The following KIAA0930 variants were observed in gnomAD, a reference collection of about 807,000 sequenced individuals.
KIAA0930 encodes the protein KIAA0930.
A neutral mutation model predicts 43.9 loss-of-function variants in KIAA0930; 24 were observed. The ratio of observed to expected loss-of-function variants is 0.55; its 90% CI spans 0.40 to 0.77. The LOEUF (loss-of-function observed/expected upper bound fraction) is 0.77, where lower values mean the gene tolerates loss of function less well. Among genes scored for constraint, KIAA0930 ranks in the 30% least tolerant of loss-of-function variants. The pLI is 0.00. For synonymous variants in KIAA0930, 259 were observed against 216.4 expected (o/e 1.20, Z -1.73); for missense variants, 461 against 574.2 (o/e 0.80, Z 2.02).
intron 1 of KIAA0930, among the ~76,000 whole-genome samples, chr22:45,221,542 T>A (rs1006495986): frequency 2.6e-5 from 4 of 152,218 alleles, no homozygotes; most frequent in Non-Finnish European, 5.9e-5. Flanking sequence ...TGCTCTATGA[T>A]CATTTTGTTC....
At chr22:45,213,453 C>G (rs148688332) in intron 1 of KIAA0930, 7 of 1,265,160 alleles carry the variant, frequency 5.5e-6, no homozygotes, top group Non-Finnish European at 7.2e-6. Context: ...GGAGAGCCCA[C>G]GGGACTGGCA....
chr22:45,197,529 A>C (rs149194097), intron 9 of KIAA0930, among the ~76,000 whole-genome samples: 1 of 152,276 alleles, frequency 6.6e-6, no homozygotes, highest in East Asian at 1.9e-4. Context: ...GCCCGTGAGT[A>C]ACACACACCT....
chr22:45,219,579 A>ATTTTTTT (rs1569080218), intron 1 of KIAA0930, among the ~76,000 whole-genome samples: 1 of 107,454 alleles, frequency 9.3e-6, no homozygotes, highest in African/African-American at 3.6e-5. Context: ...CCAAGAGGTG[A>ATTTTTTT]TTGTTTTTTT....
chr22:45,240,576 C>T, intron 1 of KIAA0930, 64 bp downstream of exon 1: 1 of 1,165,094 alleles, frequency 8.6e-7, no homozygotes, highest in Non-Finnish European at 1.2e-6. Context: ...AACACGGACG[C>T]GCAGAGGCGG....
intron 1 of KIAA0930, among the ~76,000 whole-genome samples, chr22:45,221,275 A>G (rs1164869343): frequency 1.3e-5 from 2 of 152,266 alleles, no homozygotes; most frequent in Non-Finnish European, 2.9e-5. Flanking sequence ...AAATTCCATG[A>G]AAGTCCAGAG....
chr22:45,234,213 T>C (rs887447023), intron 1 of KIAA0930, among the ~76,000 whole-genome samples: 2 of 152,040 alleles, frequency 1.3e-5, no homozygotes, highest in Admixed American at 1.3e-4. Flanking sequence ...GGAAGGTCAG[T>C]GTGCGTGTGG....
At chr22:45,197,613 G>A (rs1192607744) in intron 9 of KIAA0930, among the ~76,000 whole-genome samples, 177 bp downstream of exon 9, 2 of 152,196 alleles carry the variant, frequency 1.3e-5, no homozygotes, top group Non-Finnish European at 2.9e-5. Context: ...TTCAGCTCTG[G>A]GAAAGCTACG....
At chr22:45,207,612 C>G (rs1382908269) in intron 2 of KIAA0930, 1 of 168,158 alleles carries the variant, frequency 5.9e-6, no homozygotes, top group Non-Finnish European at 1.5e-5. Flanking sequence ...GCGTGAGCCA[C>G]CGCGCCCAGC....
intron 1 of KIAA0930, among the ~76,000 whole-genome samples, chr22:45,216,329 A>G (rs62231109): frequency 0.12 from 17,822 of 152,122 alleles, 1,101 homozygotes; most frequent in East Asian, 0.21. Flanking sequence ...CCACCCTCCC[A>G]GAATCCAAGG....
chr22:45,212,301 A>T (rs2083702000), intron 1 of KIAA0930, 194 bp from the exon 2 acceptor site: 1 of 1,612,904 alleles, frequency 6.2e-7, no homozygotes, highest in East Asian at 2.2e-5. Context: ...GACACCTCCC[A>T]GGAGGCCCAG....
chr22:45,212,806 G>C (rs376002722), intron 1 of KIAA0930, among the ~76,000 whole-genome samples: 40 of 152,344 alleles, frequency 2.6e-4, no homozygotes, highest in African/African-American at 9.6e-4. Flanking sequence ...CCATTCCAGC[G>C]CTGCCGCTGG....
intron 1 of KIAA0930, among the ~76,000 whole-genome samples, chr22:45,214,740 C>G (rs190377879): frequency 1.3e-5 from 2 of 150,492 alleles, no homozygotes; most frequent in African/African-American, 5.0e-5. Context: ...GAGACCTGGT[C>G]TCTAAAAAAA....
intron 3 of KIAA0930, 22 bp downstream of exon 3, chr22:45,205,771 C>CA: frequency 1.1e-5 from 8 of 710,658 alleles, no homozygotes; most frequent in South Asian, 2.7e-5. Context: ...CAATCCGCAG[C>CA]CCCACCCATC....
intron 1 of KIAA0930, chr22:45,212,466 G>A (rs12485064): frequency 0.34 from 498,481 of 1,447,416 alleles, 89,041 homozygotes; most frequent in South Asian, 0.55. Flanking sequence ...CTGGAAGCCG[G>A]GAAGGCTTGG....
At chr22:45,206,986 A>G (rs2083643773) in intron 2 of KIAA0930, among the ~76,000 whole-genome samples, 1 of 151,662 alleles carries the variant, frequency 6.6e-6, no homozygotes, top group Non-Finnish European at 1.5e-5. Flanking sequence ...AGCATGGGCC[A>G]CCGTGCCCGG....
At position 45,195,561 on chromosome 22, in the gene KIAA0930, T is replaced by C. The variant is rs546265643; in HGVS notation, c.*1615A>G. On this transcript the variant is annotated 3_prime_UTR_variant, in exon 10 of 10. Coordinates refer to ENST00000336156, the MANE Select transcript of KIAA0930 (RefSeq NM_001009880.2). Reference sequence around the variant, plus strand: ...GCCCTAAGACATGGGTTTAGGAACATGAAATCGTGCAGAGCTGAGCTGTCA... The same window carrying C: ...GCCCTAAGACATGGGTTTAGGAACACGAAATCGTGCAGAGCTGAGCTGTCA... 2.0e-5 allele frequency: 3 copies of C among 152,298 alleles called. No individual in the cohort carries two copies. Among genetic ancestry groups the C allele is most frequent in the East Asian group, 3.9e-4 (2 of 5,166 alleles). The allele number at this position is 152,298 out of a possible 1,614,324, so 9.4% of individuals were successfully genotyped here.
rs759810728 is a variant in KIAA0930, at chr22:45,205,912, C to T, written c.217G>A (p.Ala73Thr). Residue 73 changes from alanine (A) to threonine (T), a missense_variant and splice_region_variant, in exon 3 of 10, where the codon GCA becomes ACA. Physicochemically the swap from Ala to Thr is moderately conservative, Grantham distance 58. Coordinates refer to ENST00000336156, the MANE Select transcript of KIAA0930 (RefSeq NM_001009880.2). ...TCCACCTCCACCTCAGGCTCAGCTG[C>T]CTGCGAGGCCCAGAGCAGAAGTGAG... ...GSESGADGRK[A>T]AEPEVEVEVY... is the part of the protein sequence containing the mutation. 1.9e-6 allele frequency: 3 copies of T among 1,612,688 alleles called. No individual in the cohort carries two copies. The South Asian group carries it at 3.3e-5, about 18-fold the overall frequency.
Position 45,232,413 on chromosome 22 carries a change from T to A in KIAA0930, c.64+8227A>T, listed in dbSNP as rs183639288. On this transcript the variant is annotated intron_variant, in intron 1 of 9. Coordinates refer to ENST00000336156, the MANE Select transcript of KIAA0930 (RefSeq NM_001009880.2). ...TAATGGACACGTGGAGTAAGGGAAC[T>A]CTGCCTGTTGTTCACCTGCCTCGGT... is the stretch of plus-strand genomic sequence containing the variant. Among the ~76,000 whole-genome samples, 469 of 152,350 alleles carry A rather than the reference T, an allele frequency of 3.1e-3. 1 individual carries two copies. The highest frequency in any genetic ancestry group is 4.9e-3 in the Non-Finnish European group (332 of 68,028).
At chr22:45,210,559 G>A (rs1414136344) in intron 2 of KIAA0930, among the ~76,000 whole-genome samples, 1 of 152,170 alleles carries the variant, frequency 6.6e-6, no homozygotes, top group Non-Finnish European at 1.5e-5. Flanking sequence ...CCAGAGAGGA[G>A]ATGACCTGGC....
Sources: allele counts gnomAD v4.1 joint callset (sites outside exome capture counted in the v4.1 genomes callset), GRCh38; gene constraint gnomAD v4.1.1; transcripts MANE v1.5; gene names NCBI Gene and HGNC (gene_info 2026-07-23, HGNC 2026-07-21).